Variants in SGCD observed in about 807,000 individuals in gnomAD.
SGCD encodes delta-sarcoglycan.
SGCD carries 18 observed loss-of-function variants against 36.6 expected under a neutral mutation model. That is an observed-to-expected ratio of 0.49 (90% CI 0.34 to 0.73). The LOEUF (loss-of-function observed/expected upper bound fraction) is 0.73. SGCD is among the 30% of genes least tolerant of loss of function. The pLI is 0.01. For synonymous variants in SGCD, 133 were observed against 130.6 expected, an observed-to-expected ratio of 1.02 and a Z score of -0.12; for missense variants, 387 against 346.7, an observed-to-expected ratio of 1.12 and a Z score of -0.92.
chr5:156,665,426 C>A lies in SGCD; in HGVS notation c.575+17890C>A, dbSNP rs199744015. Among the ~76,000 whole-genome samples the A allele has an allele frequency of 9.8e-5, 15 of 152,310 alleles. No homozygotes were observed. In the East Asian group the frequency reaches 2.5e-3, roughly 26 times the overall value. ...TTCTGGGATTTTTTCCTTGTGTTTT[C>A]ATTACAATCTATTAAACAGCTTCCA... On this transcript the variant is annotated intron_variant, in intron 7 of 8. Transcript: ENST00000337851.
chr5:155,919,981 G>A (rs1756834729), intron 1 of SGCD, among the ~76,000 whole-genome samples: 1 of 152,140 alleles, frequency 6.6e-6, no homozygotes, highest in Non-Finnish European at 1.5e-5. Flanking sequence ...CTTTCTCACA[G>A]GATGGCATAC....
At chr5:156,074,757 C>T (rs1032739119) in intron 1 of SGCD, among the ~76,000 whole-genome samples, 2 of 152,206 alleles carry the variant, frequency 1.3e-5, no homozygotes, top group African/African-American at 4.8e-5. Flanking sequence ...CAGAGCACTT[C>T]ACAGACTACT....
At chr5:155,900,598 C>T (rs950992218) in intron 1 of SGCD, among the ~76,000 whole-genome samples, 1 of 147,318 alleles carries the variant, frequency 6.8e-6, no homozygotes, top group African/African-American at 2.5e-5. Context: ...CAACAGTCCC[C>T]AGAGTGTGAT....
rs184720979 is a variant in SGCD, at chr5:155,981,968, C to A, written c.-282+111544C>A. Among the ~76,000 whole-genome samples the A allele has an allele frequency of 4.4e-3, 674 of 152,302 alleles. 8 individuals carry two copies. Among genetic ancestry groups the A allele is most frequent in the African/African-American group, 0.015 (614 of 41,540 alleles). Reference sequence around the variant, plus strand: ...ACAACAGGACATGGATTATTCTAACCAGGAAGGGAGGACCCTGAGATCCTC... The same window carrying A: ...ACAACAGGACATGGATTATTCTAACAAGGAAGGGAGGACCCTGAGATCCTC... On this transcript the variant is annotated intron_variant, in intron 1 of 9. Transcript: ENST00000517913.
At chr5:155,986,446 G>T (rs1758331959) in intron 1 of SGCD, among the ~76,000 whole-genome samples, 1 of 149,560 alleles carries the variant, frequency 6.7e-6, no homozygotes, top group Admixed American at 6.6e-5. Flanking sequence ...AACACATGAG[G>T]TTAAGTATGC....
At chr5:156,334,468 T>C (rs896835018) in intron 2 of SGCD, among the ~76,000 whole-genome samples, 5 of 152,218 alleles carry the variant, frequency 3.3e-5, no homozygotes, top group Admixed American at 6.5e-5. Context: ...TAGTTTTATA[T>C]AGAGCCAAAT....
intron 2 of SGCD, among the ~76,000 whole-genome samples, chr5:156,334,357 T>C (rs1266540788): frequency 6.6e-6 from 1 of 152,236 alleles, no homozygotes; most frequent in South Asian, 2.1e-4. Context: ...AATGACACCA[T>C]TAAATCTGCG....
chr5:156,529,615 A>G (rs1030110437), intron 4 of SGCD, among the ~76,000 whole-genome samples: 24 of 152,008 alleles, frequency 1.6e-4, no homozygotes, highest in Non-Finnish European at 3.4e-4. Context: ...GTGCTCTGTC[A>G]TTGCTATGGA....
In SGCD at chr5:156,757,617, C is replaced by A. The variant is rs1461647549; in HGVS notation, c.612C>A (p.Ala204=). ...ESPTRSLVME[A]PKGVEINAEA... ...CAACCCGGTCTCTAGTGATGGAGGC[C>A]CCAAAAGGAGTGGAAATCAATGCAG... The change falls in exon 8 of 9, where the codon GCC becomes GCA. Residue 204 remains alanine, a synonymous_variant. Transcript: ENST00000337851. 2 of 1,611,250 alleles carry A rather than the reference C, an allele frequency of 1.2e-6. No homozygotes were observed. Among genetic ancestry groups the A allele is most frequent in the East Asian group, 2.2e-5 (1 of 44,792 alleles).
intron 4 of SGCD, among the ~76,000 whole-genome samples, chr5:156,555,071 T>G (rs1341162561): frequency 2.0e-5 from 3 of 152,206 alleles, no homozygotes; most frequent in African/African-American, 7.2e-5. Flanking sequence ...GTCCACTTAT[T>G]AATTGGTTGT....
intron 1 of SGCD, among the ~76,000 whole-genome samples, chr5:156,072,672 T>G (rs1760618945): frequency 6.6e-6 from 1 of 152,214 alleles, no homozygotes; most frequent in South Asian, 2.1e-4. Flanking sequence ...ATCTGAATGT[T>G]GGCCTGCCTT....
chr5:155,950,262 G>A, intron 1 of SGCD, among the ~76,000 whole-genome samples: 1 of 152,046 alleles, frequency 6.6e-6, no homozygotes, highest in East Asian at 1.9e-4. Context: ...TACCTGCTTT[G>A]TCTAGTGTTT....
chr5:156,726,064 T>C (rs1464039163), intron 7 of SGCD, among the ~76,000 whole-genome samples: 1 of 152,238 alleles, frequency 6.6e-6, no homozygotes, highest in Admixed American at 6.5e-5. Flanking sequence ...TTTATGTCAC[T>C]GTTTGATCTT....
chr5:155,827,672 CTTTTTT>C, the SGCD span, among the ~76,000 whole-genome samples: 278 of 64,478 alleles, frequency 4.3e-3, no homozygotes, highest in Middle Eastern at 0.036. Context: ...CTAAATAATT[CTTTTTT>C]TTTTTTTTTT....
intron 1 of SGCD, among the ~76,000 whole-genome samples, chr5:156,108,073 T>G (rs538494889): frequency 2.6e-5 from 4 of 152,238 alleles, no homozygotes; most frequent in Admixed American, 2.6e-4. Context: ...TTTGACGAGT[T>G]GGTATATTGT....
At chr5:155,729,150 AG>A in the SGCD span, among the ~76,000 whole-genome samples, 2 of 152,250 alleles carry the variant, frequency 1.3e-5, no homozygotes, top group African/African-American at 4.8e-5. Flanking sequence ...GGGTTTCCCC[AG>A]TTCCCTCCAT....
At chr5:156,333,029 G>A (rs185713790) in intron 2 of SGCD, among the ~76,000 whole-genome samples, 2 of 152,198 alleles carry the variant, frequency 1.3e-5, no homozygotes, top group East Asian at 3.9e-4. Context: ...ATGCTGTTTA[G>A]CTATTTTTAT....
At chr5:156,645,650 C>T (rs1387941757) in intron 6 of SGCD, among the ~76,000 whole-genome samples, 2 of 151,928 alleles carry the variant, frequency 1.3e-5, no homozygotes, top group African/African-American at 4.8e-5. Context: ...GAGTTCAAAT[C>T]CCACCCCTCC....
chr5:155,782,650 G>A, the SGCD span, among the ~76,000 whole-genome samples: 2 of 152,092 alleles, frequency 1.3e-5, no homozygotes, highest in Non-Finnish European at 1.5e-5. Flanking sequence ...CCTGTTATGA[G>A]CCGGGCTGCA....
Sources: allele counts gnomAD v4.1 joint callset (sites outside exome capture counted in the v4.1 genomes callset), GRCh38; gene constraint gnomAD v4.1.1; transcripts MANE v1.5; gene names NCBI Gene and HGNC (gene_info 2026-07-23, HGNC 2026-07-21).